KLHL14: variants seen among roughly 807,000 people sequenced by gnomAD.
KLHL14 encodes the protein kelch-like protein 14.
KLHL14 carries 22 observed loss-of-function variants against 64.3 expected under a neutral mutation model. The ratio of observed to expected loss-of-function variants is 0.34; its 90% CI spans 0.24 to 0.49. The LOEUF (loss-of-function observed/expected upper bound fraction) is 0.49. KLHL14 is among the 20% of genes least tolerant of loss of function. KLHL14 has a pLI of 0.99. For missense variants in KLHL14, 661 were observed against 789.0 expected (o/e 0.84, Z 1.94); for synonymous variants, 322 against 333.4 (o/e 0.97, Z 0.37).
chr18:32,719,280 A>T (rs1430175467), intron 3 of KLHL14, among the ~76,000 whole-genome samples: 1 of 152,236 alleles, frequency 6.6e-6, no homozygotes, highest in Non-Finnish European at 1.5e-5. Flanking sequence ...TGTTAAGCTA[A>T]TGCCTGTTTT....
intron 4 of KLHL14, 83 bp from the exon 5 acceptor site, chr18:32,687,316 A>C: frequency 9.3e-7 from 1 of 1,075,050 alleles, no homozygotes; most frequent in South Asian, 1.3e-5. Context: ...AGACGTCTCT[A>C]TTCTCAGGTT....
rs529537970 is a variant in KLHL14, at chr18:32,683,176, A to C, written c.1239-2577T>G. ...CACCGTGACACCTGGTCAGCCTGTC[A>C]GAACCTGCTCTCTTTTCTAGCCAAG... On this transcript the variant is annotated intron_variant, in intron 5 of 8. Coordinates refer to ENST00000359358, the MANE Select transcript of KLHL14 (RefSeq NM_020805.3). This position sits in a 1 kb window ranked among gnomAD's most constrained non-coding sequence, Gnocchi z 4.2. Among the ~76,000 whole-genome samples the C allele has an allele frequency of 6.6e-6, 1 of 152,244 alleles. No individual in the cohort carries two copies. Among genetic ancestry groups the C allele is most frequent in the East Asian group, 1.9e-4 (1 of 5,176 alleles).
chr18:32,741,864 C>T lies in KLHL14; in HGVS notation c.1069+64G>A. The T allele has an allele frequency of 3.5e-6, 5 of 1,437,836 alleles. No homozygotes were observed. In the South Asian group the frequency reaches 7.1e-5, roughly 20 times the overall value. The allele number at this position is 1,437,836 out of a possible 1,614,324, so 89.1% of individuals were successfully genotyped here. On this transcript the variant is annotated intron_variant, in intron 3 of 8. Coordinates refer to ENST00000359358, the MANE Select transcript of KLHL14 (RefSeq NM_020805.3). ...ATTTGATTAACCATGTTTTCAAATT[C>T]ATCAAGACAGCGCTAACCTGAAATA...
intron 2 of KLHL14, among the ~76,000 whole-genome samples, chr18:32,753,442 A>G (rs778461933): frequency 6.8e-6 from 1 of 147,236 alleles, no homozygotes; most frequent in South Asian, 2.1e-4. Flanking sequence ...TGTGGCTCAC[A>G]TGGGTCCTCC....
intron 2 of KLHL14, among the ~76,000 whole-genome samples, chr18:32,753,318 A>C (rs2050265890): frequency 6.6e-6 from 1 of 152,136 alleles, no homozygotes; most frequent in Non-Finnish European, 1.5e-5. Context: ...TGTCTGTGTG[A>C]CCATGTGAAG....
chr18:32,735,947 G>T (rs1237754062), intron 3 of KLHL14, among the ~76,000 whole-genome samples: 2 of 152,110 alleles, frequency 1.3e-5, no homozygotes, highest in Non-Finnish European at 2.9e-5. Flanking sequence ...TCAATGATTT[G>T]CCAGACTTAG....
chr18:32,728,009 C>G (rs934401551), intron 3 of KLHL14, among the ~76,000 whole-genome samples: 1 of 138,556 alleles, frequency 7.2e-6, no homozygotes, highest in Admixed American at 7.1e-5. Context: ...AAGTGATCGC[C>G]TCATTCTGAA....
At chr18:32,741,539 G>A (rs1001729190) in intron 3 of KLHL14, among the ~76,000 whole-genome samples, 2 of 152,220 alleles carry the variant, frequency 1.3e-5, no homozygotes, top group Admixed American at 6.5e-5. Context: ...TACAGAGACA[G>A]TGAACTAAAC....
chr18:32,769,535 G>T, intron 2 of KLHL14, 110 bp downstream of exon 2: 2 of 994,834 alleles, frequency 2.0e-6, no homozygotes, highest in Non-Finnish European at 2.8e-6. Context: ...TCCTGCCAGA[G>T]CCACCCGCCC....
At chr18:32,724,737 T>A (rs954281388) in intron 3 of KLHL14, among the ~76,000 whole-genome samples, 5 of 152,152 alleles carry the variant, frequency 3.3e-5, no homozygotes, top group Non-Finnish European at 7.3e-5. Flanking sequence ...CAATGCAGAG[T>A]GTCATATGGT....
intron 2 of KLHL14, among the ~76,000 whole-genome samples, chr18:32,760,410 A>G (rs1238548402): frequency 6.6e-6 from 1 of 152,132 alleles, no homozygotes; most frequent in Non-Finnish European, 1.5e-5. Context: ...ATATTTTTCA[A>G]CAATGCCTCT....
At chr18:32,760,355 C>CATAT (rs1555666673) in intron 2 of KLHL14, among the ~76,000 whole-genome samples, 1 of 151,664 alleles carries the variant, frequency 6.6e-6, no homozygotes, top group Non-Finnish European at 1.5e-5. Flanking sequence ...CACACACACA[C>CATAT]ACACACATAT....
At chr18:32,684,097 T>C (rs1203517880) in intron 5 of KLHL14, among the ~76,000 whole-genome samples, 2 of 151,934 alleles carry the variant, frequency 1.3e-5, no homozygotes, top group African/African-American at 2.4e-5. Context: ...AACATCAACT[T>C]TTACTGAAAA....
chr18:32,724,034 G>GA (rs986344974), intron 3 of KLHL14, among the ~76,000 whole-genome samples: 22 of 151,714 alleles, frequency 1.5e-4, no homozygotes, highest in Admixed American at 7.2e-4. Flanking sequence ...AATCCAGTTG[G>GA]AAAAAAAATA....
intron 3 of KLHL14, among the ~76,000 whole-genome samples, chr18:32,732,765 G>A (rs190070139): frequency 9.9e-5 from 15 of 152,272 alleles, no homozygotes; most frequent in Admixed American, 9.2e-4. Context: ...TGTTGTCACC[G>A]CCTAACCCGA....
At chr18:32,703,532 C>A (rs1016182914) in intron 3 of KLHL14, among the ~76,000 whole-genome samples, 2 of 152,202 alleles carry the variant, frequency 1.3e-5, no homozygotes, top group Non-Finnish European at 2.9e-5. Context: ...TATATTATTT[C>A]TTTCCAGAAC....
chr18:32,704,502 C>T (rs1227162201), intron 3 of KLHL14, among the ~76,000 whole-genome samples: 2 of 152,112 alleles, frequency 1.3e-5, no homozygotes, highest in Non-Finnish European at 2.9e-5. Context: ...GCAGACAGAT[C>T]ACCAGAGGTC....
chr18:32,705,040 T>G (rs1264690635), intron 3 of KLHL14, among the ~76,000 whole-genome samples: 1 of 152,214 alleles, frequency 6.6e-6, no homozygotes, highest in African/African-American at 2.4e-5. Flanking sequence ...GCAGTAAATG[T>G]CATTACTGGG....
chr18:32,728,630 G>A (rs1469613365), intron 3 of KLHL14, among the ~76,000 whole-genome samples: 1 of 152,178 alleles, frequency 6.6e-6, no homozygotes, highest in Non-Finnish European at 1.5e-5. Context: ...GATTAGGGTA[G>A]GCCCTAACAC....
Sources: allele counts gnomAD v4.1 joint callset (sites outside exome capture counted in the v4.1 genomes callset), GRCh38; gene constraint gnomAD v4.1.1; non-coding constraint Gnocchi (gnomAD v3.1); transcripts MANE v1.5; gene names NCBI Gene and HGNC (gene_info 2026-07-23, HGNC 2026-07-21).